NGLY1: variants seen among roughly 807,000 people sequenced by gnomAD.
NGLY1 encodes peptide-N(4)-(N-acetyl-beta-glucosaminyl)asparagine amidase.
In NGLY1, 68 loss-of-function variants were observed where a neutral mutation model predicts 84.6. The ratio of observed to expected loss-of-function variants is 0.80; its 90% CI spans 0.66 to 0.98. The LOEUF (loss-of-function observed/expected upper bound fraction) is 0.98. Ranked by LOEUF, NGLY1 falls within the 50% of genes least tolerant of loss-of-function variation. The pLI, the probability that NGLY1 is intolerant of heterozygous loss-of-function variation, is 0.00. For missense variants in NGLY1, 779 were observed against 770.2 expected (o/e 1.01, Z -0.14); for synonymous variants, 280 against 275.2 (o/e 1.02, Z -0.17).
intron 6 of NGLY1, chr3:25,736,492 G>GTC (rs1705832513): frequency 5.2e-6 from 5 of 963,954 alleles, no homozygotes; most frequent in African/African-American, 1.7e-5. Context: ...TGAAACTACA[G>GTC]TCTCTCTCTC....
chr3:25,739,245 G>T (rs904543405), intron 5 of NGLY1, among the ~76,000 whole-genome samples: 10 of 152,126 alleles, frequency 6.6e-5, no homozygotes, highest in African/African-American at 2.4e-4. Context: ...TTATACTTTA[G>T]AACAAGAGTC....
chr3:25,765,789 T>C (rs931798113), intron 2 of NGLY1, among the ~76,000 whole-genome samples: 1 of 152,110 alleles, frequency 6.6e-6, no homozygotes, highest in East Asian at 1.9e-4. Context: ...CAGGCTGGAG[T>C]GCAGTGGAGT....
chr3:25,729,503 A>C (rs1255715186), intron 9 of NGLY1, 185 bp from the exon 10 acceptor site: 2 of 357,798 alleles, frequency 5.6e-6, no homozygotes, highest in East Asian at 4.2e-5. Flanking sequence ...TATAACTCTA[A>C]ACATTACTAG....
At chr3:25,737,619 T>C (rs1360090534) in intron 5 of NGLY1, among the ~76,000 whole-genome samples, 164 bp from the exon 6 acceptor site, 2 of 151,818 alleles carry the variant, frequency 1.3e-5, no homozygotes, top group African/African-American at 2.4e-5. Context: ...CTCGGCTCAC[T>C]GCAACCTCCG....
intron 10 of NGLY1, among the ~76,000 whole-genome samples, chr3:25,723,519 C>T (rs971416848): frequency 1.6e-4 from 25 of 151,976 alleles, no homozygotes; most frequent in African/African-American, 5.8e-4. Context: ...TATGTATACT[C>T]AGTTTAGTAA....
chr3:25,723,525 A>G (rs1445643679), intron 10 of NGLY1, among the ~76,000 whole-genome samples: 2 of 152,288 alleles, frequency 1.3e-5, no homozygotes, highest in African/African-American at 2.4e-5. Flanking sequence ...TACTCAGTTT[A>G]GTAAATTAAA....
In NGLY1 at chr3:25,728,528, T is replaced by C. The variant is rs542173037; in HGVS notation, c.1611+605A>G. Reference sequence around the variant, plus strand: ...GAGCAGGCAGTTTTAAAGCAAAGCCTCTTATTTGTTACTGATAGCATGTGA... The same window carrying C: ...GAGCAGGCAGTTTTAAAGCAAAGCCCCTTATTTGTTACTGATAGCATGTGA... On this transcript the variant is annotated intron_variant, in intron 10 of 11. Transcript: ENST00000280700. Among the ~76,000 whole-genome samples the C allele has an allele frequency of 2.6e-5, 4 of 152,272 alleles. No homozygotes were observed. In the South Asian group the frequency reaches 8.3e-4, roughly 32 times the overall value.
intron 2 of NGLY1, chr3:25,778,365 T>G (rs1437553002): frequency 1.8e-5 from 7 of 392,804 alleles, no homozygotes; most frequent in Non-Finnish European, 3.3e-5. Flanking sequence ...CGTAAGAATT[T>G]CTCTGTGGAG....
intron 4 of NGLY1, chr3:25,749,836 C>T: frequency 9.2e-7 from 1 of 1,092,176 alleles, no homozygotes; most frequent in Admixed American, 1.7e-5. Context: ...AAAGAGCCAC[C>T]CAGCTGGCCA....
chr3:25,773,170 T>C (rs1424030309), intron 2 of NGLY1, among the ~76,000 whole-genome samples: 2 of 152,218 alleles, frequency 1.3e-5, no homozygotes, highest in Non-Finnish European at 2.9e-5. Context: ...TTTGGATATG[T>C]AGATCTCTAG....
upstream of NGLY1, among the ~76,000 whole-genome samples, chr3:25,787,314 GTTT>G (rs1001842791): frequency 9.9e-5 from 15 of 152,230 alleles, no homozygotes; most frequent in Admixed American, 4.6e-4. Flanking sequence ...TCCTAGTAAC[GTTT>G]CCTTCTCAAC....
Position 25,783,064 on chromosome 3 carries a change from G to C in NGLY1, c.131+196C>G, listed in dbSNP as rs1302960652. The C allele has an allele frequency of 1.9e-6, 1 of 534,372 alleles. No homozygotes were observed. Among genetic ancestry groups the C allele is most frequent in the African/African-American group, 2.0e-5 (1 of 49,236 alleles). The allele number at this position is 534,372 out of a possible 1,614,324, so 33.1% of individuals were successfully genotyped here. The stretch of plus-strand genomic sequence containing the variant: ...GCAAAGAAACTTCCTTTTCTCGAGC[G>C]GGGGTGGGACTTGGCCGGGTCCCGA... On this transcript the variant is annotated intron_variant, in intron 1 of 11. Coordinates refer to ENST00000280700, the MANE Select transcript of NGLY1 (RefSeq NM_018297.4). The surrounding 1 kb of genome is among the most constrained non-coding windows in gnomAD (Gnocchi z 4.5).
chr3:25,740,541 G>C (rs1352014163), intron 4 of NGLY1, among the ~76,000 whole-genome samples: 1 of 152,010 alleles, frequency 6.6e-6, no homozygotes, highest in Admixed American at 6.5e-5. Context: ...GATTAAAACA[G>C]AGTGATAATA....
At chr3:25,783,469 C>T, upstream of NGLY1, 1 of 1,344,340 alleles carries the variant, frequency 7.4e-7, no homozygotes, top group South Asian at 1.9e-5. This position sits in a 1 kb window ranked among gnomAD's most constrained non-coding sequence, Gnocchi z 4.5. Flanking sequence ...CGCGCAGCAG[C>T]TACCGCAGCC....
rs573301283 is a variant in NGLY1, at chr3:25,783,157, C to T, written c.131+103G>A. 2 of 1,111,308 alleles carry T rather than the reference C, an allele frequency of 1.8e-6. No homozygotes were observed. The highest frequency in any genetic ancestry group is 2.6e-6 in the Non-Finnish European group (2 of 764,356). 68.8% of individuals were successfully genotyped at this position (1,111,308 alleles called of 1,614,324 possible). A position where few individuals can be genotyped will look rare whatever the true frequency, so the allele number is the denominator to read the frequency against. On this transcript the variant is annotated intron_variant, in intron 1 of 11. Coordinates refer to ENST00000280700, the MANE Select transcript of NGLY1 (RefSeq NM_018297.4). The surrounding 1 kb of genome is among the most constrained non-coding windows in gnomAD (Gnocchi z 4.5). ...TCCAGGTCCCGGTCTGTCCGGGCGTCGCTGCCCTCTGAAGCTCAGGCCGGA... is the reference window on the plus strand; with the variant it reads ...TCCAGGTCCCGGTCTGTCCGGGCGTTGCTGCCCTCTGAAGCTCAGGCCGGA...
chr3:25,751,144 T>C lies in NGLY1; in HGVS notation c.612A>G (p.Lys204=). 2 of 1,613,782 alleles carry C rather than the reference T, an allele frequency of 1.2e-6. No homozygotes were observed. Among genetic ancestry groups the C allele is most frequent in the African/African-American group, 1.3e-5 (1 of 75,040 alleles). Residue 204 remains lysine (K), a synonymous_variant, in exon 4 of 12, where the codon AAA becomes AAG. Transcript: ENST00000280700. The stretch of plus-strand genomic sequence containing the variant: ...TCGATAACTTTTCTTGTGATTTCCT[T>C]TTTAGTTCTTGGACCGGAATACAAG... ...ALACIPVQEL[K]RKSQEKLSRA...
At chr3:25,764,958 T>C (rs1979608) in intron 2 of NGLY1, among the ~76,000 whole-genome samples, 99,612 of 152,182 alleles carry the variant, frequency 0.65, 38,687 homozygotes, top group East Asian at 0.94. Context: ...AAAAATCATG[T>C]ATTTCAGTAG....
chr3:25,736,076 A>G lies in NGLY1; in HGVS notation c.1077T>C (p.Cys359=). Residue 359 remains cysteine, a synonymous_variant, in exon 7 of 12, where the codon TGT becomes TGC. Transcript: ENST00000280700. The part of the protein sequence containing the change: ...WLHCDACEDV[C]DKPLLYEIGW... ...CTATTTCATAAAGGAGTGGCTTGTC[A>G]CAGACATCTTCACATGCATCACAGT... 2 of 1,613,646 alleles carry G rather than the reference A, an allele frequency of 1.2e-6. No homozygotes were observed. Among genetic ancestry groups the G allele is most frequent in the Non-Finnish European group, 1.7e-6 (2 of 1,179,826 alleles).
At chr3:25,781,985 T>C (rs908608722) in intron 1 of NGLY1, among the ~76,000 whole-genome samples, 1 of 152,028 alleles carries the variant, frequency 6.6e-6, no homozygotes, top group Non-Finnish European at 1.5e-5. Flanking sequence ...CCTTGTACTG[T>C]GAAGAGCTGT....
Sources: allele counts gnomAD v4.1 joint callset (sites outside exome capture counted in the v4.1 genomes callset), GRCh38; gene constraint gnomAD v4.1.1; non-coding constraint Gnocchi (gnomAD v3.1); transcripts MANE v1.5; gene names NCBI Gene and HGNC (gene_info 2026-07-23, HGNC 2026-07-21).